CNTNAP2: variants seen among roughly 807,000 people sequenced by gnomAD.
The protein encoded by CNTNAP2 is contactin-associated protein-like 2.
A neutral mutation model predicts 155.2 loss-of-function variants in CNTNAP2; 98 were observed. The observed-to-expected ratio is 0.63, with a 90% confidence interval of 0.54 to 0.75. CNTNAP2 has a LOEUF of 0.75. Ranked by LOEUF, CNTNAP2 falls within the 30% of genes least tolerant of loss-of-function variation. The pLI is 0.00. For missense variants in CNTNAP2, 1,727 were observed against 1,688.1 expected, an observed-to-expected ratio of 1.02 and a Z score of -0.40; for synonymous variants, 651 against 631.2, an observed-to-expected ratio of 1.03 and a Z score of -0.47.
At chr7:147,364,883 A>G (rs1262454902) in intron 9 of CNTNAP2, among the ~76,000 whole-genome samples, 1 of 152,084 alleles carries the variant, frequency 6.6e-6, no homozygotes, top group African/African-American at 2.4e-5. Context: ...CCATGTTAAA[A>G]ATTACTTTGG....
chr7:146,852,089 G>A (rs1794890635), intron 3 of CNTNAP2, among the ~76,000 whole-genome samples: 2 of 152,052 alleles, frequency 1.3e-5, no homozygotes, highest in Admixed American at 1.3e-4. Flanking sequence ...TAAAGACCCT[G>A]TTTCCAAATA....
At chr7:146,574,641 C>T (rs1178947299) in intron 1 of CNTNAP2, among the ~76,000 whole-genome samples, 2 of 152,150 alleles carry the variant, frequency 1.3e-5, no homozygotes. Context: ...GCGGAGGTTG[C>T]TGTGAGCCAA....
chr7:146,395,795 A>AGATAGAT (rs1448641632), intron 1 of CNTNAP2, among the ~76,000 whole-genome samples: 10 of 143,404 alleles, frequency 7.0e-5, no homozygotes, highest in African/African-American at 2.8e-4. Context: ...ATAGATAGAT[A>AGATAGAT]GATAGATAGA....
chr7:147,348,104 G>A (rs535633644), intron 9 of CNTNAP2, among the ~76,000 whole-genome samples: 7 of 152,140 alleles, frequency 4.6e-5, no homozygotes, highest in African/African-American at 1.7e-4. Context: ...GCTTCAGGAT[G>A]TCAATCTGGG....
At chr7:147,298,911 AT>A (rs1237928067) in intron 8 of CNTNAP2, among the ~76,000 whole-genome samples, 1 of 152,234 alleles carries the variant, frequency 6.6e-6, no homozygotes, top group Non-Finnish European at 1.5e-5. Context: ...AGCAAGCCAG[AT>A]TTCAGCCACA....
At chr7:146,853,220 C>A (rs561498895) in intron 3 of CNTNAP2, among the ~76,000 whole-genome samples, 60 of 152,244 alleles carry the variant, frequency 3.9e-4, no homozygotes, top group African/African-American at 1.3e-3. Context: ...AATATGACAG[C>A]ATTTTCTTGA....
In CNTNAP2 at chr7:147,398,589, CTTTTTTTT is replaced by C. The variant is rs58507416; in HGVS notation, c.1670+2821_1670+2828del. 5.2e-3 allele frequency among the ~76,000 whole-genome samples: 454 copies of C among 87,728 alleles called. 2 individuals carry two copies. The highest frequency in any genetic ancestry group is 9.8e-3 in the Admixed American group (70 of 7,128). 57.6% of individuals were successfully genotyped at this position (87,728 alleles called of 152,430 possible). On this transcript the variant is annotated intron_variant, in intron 10 of 23. Coordinates refer to ENST00000361727, the MANE Select transcript of CNTNAP2 (RefSeq NM_014141.6). ...GTATTGGAATACCCTACGATTTGAA[CTTTTTTTT>C]TTTTTTTTTTTGCTTTGTGTGTAGA...
intron 8 of CNTNAP2, among the ~76,000 whole-genome samples, chr7:147,231,591 C>A (rs1803682750): frequency 6.6e-6 from 1 of 152,192 alleles, no homozygotes. Flanking sequence ...CCCTTGCCAA[C>A]ATTTATTATC....
At chr7:146,466,334 C>T (rs191814071) in intron 1 of CNTNAP2, among the ~76,000 whole-genome samples, 1 of 152,100 alleles carries the variant, frequency 6.6e-6, no homozygotes. Context: ...TTTGCAGCAT[C>T]GCTATTAGGA....
At chr7:146,751,228 AATTTGAGCATACAC>A (rs1177081724) in intron 1 of CNTNAP2, among the ~76,000 whole-genome samples, 4 of 152,166 alleles carry the variant, frequency 2.6e-5, no homozygotes, top group Admixed American at 1.3e-4. Context: ...TGAGTATACA[AATTTGAGCATACAC>A]ATTTGAGCAT....
intron 14 of CNTNAP2, among the ~76,000 whole-genome samples, chr7:147,924,387 C>G (rs1391281967): frequency 6.6e-6 from 1 of 152,028 alleles, no homozygotes; most frequent in African/African-American, 2.4e-5. Flanking sequence ...GATTCGCCTG[C>G]CTTGGCTTCC....
intron 1 of CNTNAP2, among the ~76,000 whole-genome samples, chr7:146,620,235 A>T (rs1041353420): frequency 6.6e-6 from 1 of 152,232 alleles, no homozygotes; most frequent in African/African-American, 2.4e-5. Context: ...TTTCCTGCAG[A>T]TGACATTGCA....
At chr7:147,232,514 C>T (rs910806155) in intron 8 of CNTNAP2, among the ~76,000 whole-genome samples, 1 of 152,096 alleles carries the variant, frequency 6.6e-6, no homozygotes, top group African/African-American at 2.4e-5. Context: ...AAAGAGAGAG[C>T]CTAGAAATAA....
intron 8 of CNTNAP2, among the ~76,000 whole-genome samples, chr7:147,270,210 G>T (rs538287109): frequency 2.0e-5 from 3 of 152,254 alleles, no homozygotes; most frequent in Admixed American, 2.0e-4. Context: ...ATTCTGTCTA[G>T]TTCATGAGTA....
chr7:147,205,690 A>T (rs1563115659), intron 8 of CNTNAP2, among the ~76,000 whole-genome samples: 7 of 150,824 alleles, frequency 4.6e-5, no homozygotes, highest in South Asian at 4.2e-4. Context: ...TAAAATTTTA[A>T]AAAAAAAAAG....
At chr7:148,214,211 G>A (rs973656150) in intron 18 of CNTNAP2, among the ~76,000 whole-genome samples, 2 of 152,174 alleles carry the variant, frequency 1.3e-5, no homozygotes, top group African/African-American at 2.4e-5. Flanking sequence ...CTCCAGGTCC[G>A]GAGCTCCTTC....
intron 2 of CNTNAP2, among the ~76,000 whole-genome samples, chr7:146,810,951 A>G (rs1004315530): frequency 6.6e-6 from 1 of 152,156 alleles, no homozygotes; most frequent in Non-Finnish European, 1.5e-5. Context: ...TGTTTTGCAT[A>G]TGTTGAACCA....
intron 1 of CNTNAP2, among the ~76,000 whole-genome samples, chr7:146,608,225 G>A (rs1799079154): frequency 6.6e-6 from 1 of 152,096 alleles, no homozygotes; most frequent in Non-Finnish European, 1.5e-5. Flanking sequence ...GAAGATATTC[G>A]TGCAAATATA....
chr7:146,983,292 C>T (rs1031004390), intron 3 of CNTNAP2, among the ~76,000 whole-genome samples: 2 of 152,078 alleles, frequency 1.3e-5, no homozygotes, highest in African/African-American at 4.8e-5. Context: ...TTGATTAGCT[C>T]TGAAATTTTA....
Sources: gnomAD v4.1 joint callset for allele counts (sites outside exome capture counted in the v4.1 genomes callset) on GRCh38, gnomAD v4.1.1 for gene constraint, MANE v1.5 for transcripts, NCBI Gene and HGNC (gene_info 2026-07-23, HGNC 2026-07-21) for gene names.